The following TLN2 variants were observed in gnomAD, a reference collection of about 807,000 sequenced individuals.
TLN2 encodes talin-2.
Under a neutral mutation model 294.7 loss-of-function variants are expected in TLN2, and 118 were observed. That is an observed-to-expected ratio of 0.40 (90% confidence interval 0.34 to 0.47). The LOEUF (loss-of-function observed/expected upper bound fraction) is 0.47, where lower values mean the gene tolerates loss of function less well. Among genes scored for constraint, TLN2 ranks in the 20% least tolerant of loss-of-function variants. TLN2 has a pLI of 0.84. For missense variants in TLN2, 3,083 were observed against 3,282.2 expected (o/e 0.94, Z 1.48); for synonymous variants, 1,431 against 1,304.5 (o/e 1.10, Z -2.09).
chr15:62,484,564 T>A (rs2038283418), intron 1 of TLN2, among the ~76,000 whole-genome samples: 1 of 152,096 alleles, frequency 6.6e-6, no homozygotes, highest in African/African-American at 2.4e-5. Context: ...GTAGCTGGGA[T>A]TACAGGTGCT....
At chr15:62,612,783 C>G (rs1430218225) in intron 2 of TLN2, among the ~76,000 whole-genome samples, 1 of 152,146 alleles carries the variant, frequency 6.6e-6, no homozygotes, top group Non-Finnish European at 1.5e-5. Flanking sequence ...TCTATTCTGT[C>G]ATTGCTCTGA....
At chr15:62,526,309 T>A (rs375428758) in intron 1 of TLN2, among the ~76,000 whole-genome samples, 1 of 152,168 alleles carries the variant, frequency 6.6e-6, no homozygotes, top group East Asian at 1.9e-4. Context: ...TTTGTATTTT[T>A]AGTAGAGATG....
intron 7 of TLN2, among the ~76,000 whole-genome samples, chr15:62,654,691 G>T (rs1370704264): frequency 1.4e-5 from 2 of 143,376 alleles, no homozygotes; most frequent in Non-Finnish European, 3.0e-5. Context: ...GGAGGTGGAG[G>T]TTGCAGTGAA....
chr15:62,729,945 C>T (rs536496970), intron 28 of TLN2, among the ~76,000 whole-genome samples: 1 of 151,276 alleles, frequency 6.6e-6, no homozygotes, highest in South Asian at 2.1e-4. Context: ...ATCTAAGTTA[C>T]TCTGTTTACC....
At chr15:62,606,425 A>G (rs1342056917) in intron 2 of TLN2, among the ~76,000 whole-genome samples, 1 of 152,064 alleles carries the variant, frequency 6.6e-6, no homozygotes, top group African/African-American at 2.4e-5. Flanking sequence ...AAATTATTGT[A>G]AATAATACCA....
At chr15:62,694,492 A>T in intron 14 of TLN2, 100 bp downstream of exon 14, 1 of 900,450 alleles carries the variant, frequency 1.1e-6, no homozygotes, top group Non-Finnish European at 1.8e-6. Flanking sequence ...TGTCACCTGG[A>T]GAAGATGACA....
At chr15:62,699,950 A>T (rs1230709439) in intron 16 of TLN2, among the ~76,000 whole-genome samples, 1 of 152,174 alleles carries the variant, frequency 6.6e-6, no homozygotes, top group Non-Finnish European at 1.5e-5. Context: ...GTGCCATCAC[A>T]GGGGCCAGAA....
intron 1 of TLN2, among the ~76,000 whole-genome samples, chr15:62,425,879 A>G (rs1396209791): frequency 6.6e-6 from 1 of 152,246 alleles, no homozygotes; most frequent in African/African-American, 2.4e-5. Flanking sequence ...ATTGCCCCAC[A>G]TAGAATAAAT....
intron 46 of TLN2, among the ~76,000 whole-genome samples, chr15:62,795,328 C>A (rs980312247): frequency 6.6e-6 from 1 of 152,014 alleles, no homozygotes. Flanking sequence ...CCAGGTGAAG[C>A]GGACACATGA....
At chr15:62,676,871 TCCCA>T in intron 11 of TLN2, among the ~76,000 whole-genome samples, 1 of 152,202 alleles carries the variant, frequency 6.6e-6, no homozygotes, top group South Asian at 2.1e-4. Context: ...CACCTTGGCC[TCCCA>T]AAGTGCTAGT....
intron 3 of TLN2, among the ~76,000 whole-genome samples, chr15:62,642,042 T>A (rs2051179591): frequency 6.6e-6 from 1 of 152,262 alleles, no homozygotes. Context: ...GGACAATGTC[T>A]GGGTTTCACC....
At chr15:62,557,681 A>G (rs1341024255) in intron 1 of TLN2, among the ~76,000 whole-genome samples, 3 of 152,104 alleles carry the variant, frequency 2.0e-5, no homozygotes, top group Non-Finnish European at 4.4e-5. Context: ...AGCTGGGATT[A>G]CAGGCACCCG....
Position 62,800,764 on chromosome 15 carries a change from C to T in TLN2, c.6472C>T (p.Leu2158Phe), listed in dbSNP as rs1429844657. 6.2e-7 allele frequency: 1 copy of T among 1,610,734 alleles called. No homozygotes were observed. Among genetic ancestry groups the T allele is most frequent in the African/African-American group, 1.3e-5 (1 of 75,022 alleles). Residue 2158 changes from leucine to phenylalanine, a missense_variant, in exon 50 of 59, where the codon CTT becomes TTT. Transcript: ENST00000636159. ...CACAATTGAATGCATAAAGCAGGAG[C>T]TTACGGTAAGGAGCCAGCAGTTACC... ...EATIECIKQE[L>F]TVFQSKDVPE...
rs16945127 is a variant in TLN2 at position 62,488,679 on chromosome 15, A to G, written c.-238+97994A>G. 8.7e-3 allele frequency among the ~76,000 whole-genome samples: 1,321 copies of G among 152,300 alleles called. 18 individuals carry two copies. The highest frequency in any genetic ancestry group is 0.03 in the African/African-American group (1,259 of 41,544). On this transcript the variant is annotated intron_variant, in intron 1 of 58. Coordinates refer to ENST00000636159, the MANE Select transcript of TLN2 (RefSeq NM_015059.3). ...ATAAACGGAAAGCCTTTATAATGTAATATTACTGCCTGAGTGATTATTTTC... is the reference window on the plus strand; with the variant it reads ...ATAAACGGAAAGCCTTTATAATGTAGTATTACTGCCTGAGTGATTATTTTC...
intron 1 of TLN2, among the ~76,000 whole-genome samples, chr15:62,451,655 C>CA (rs1438184389): frequency 6.6e-6 from 1 of 151,998 alleles, no homozygotes; most frequent in Non-Finnish European, 1.5e-5. Context: ...GACTCCGTCT[C>CA]AAAAAAAGAA....
At chr15:62,826,214 A>C (rs934697246) in intron 54 of TLN2, among the ~76,000 whole-genome samples, 1 of 152,052 alleles carries the variant, frequency 6.6e-6, no homozygotes, top group African/African-American at 2.4e-5. Flanking sequence ...AGGGCCCCTT[A>C]AACAGAAATA....
chr15:62,485,609 G>C (rs1408079537), intron 1 of TLN2, among the ~76,000 whole-genome samples: 4 of 152,186 alleles, frequency 2.6e-5, no homozygotes, highest in South Asian at 2.1e-4. Context: ...TGTCAAACTA[G>C]CTTAAATGAA....
intron 54 of TLN2, among the ~76,000 whole-genome samples, chr15:62,825,552 T>C (rs1003373140): frequency 2.0e-5 from 3 of 150,052 alleles, no homozygotes; most frequent in Admixed American, 6.7e-5. Flanking sequence ...ATACAGGGTG[T>C]GAAAAGCAAG....
intron 42 of TLN2, among the ~76,000 whole-genome samples, chr15:62,772,665 TTA>T (rs202144062): frequency 5.8e-4 from 39 of 67,210 alleles, no homozygotes; most frequent in Admixed American, 1.6e-3. Context: ...ATTTATTTAT[TTA>T]TTTTTTTTTT....
Sources: gnomAD v4.1 joint callset for allele counts (sites outside exome capture counted in the v4.1 genomes callset) on GRCh38, gnomAD v4.1.1 for gene constraint, MANE v1.5 for transcripts, NCBI Gene and HGNC (gene_info 2026-07-23, HGNC 2026-07-21) for gene names.